Variants in FBXO36 observed in about 807,000 individuals in gnomAD.
FBXO36 encodes the protein F-box protein 36, also known as F-box only protein 36.
In FBXO36, 18 loss-of-function variants were observed where a neutral mutation model predicts 17.0. That is an observed-to-expected ratio of 1.06 (90% CI 0.73 to 1.57). The LOEUF is 1.57. FBXO36 is among the 40% of genes most tolerant of loss of function. The pLI, the probability that FBXO36 is intolerant of heterozygous loss-of-function variation, is 0.00. For synonymous variants in FBXO36, 83 were observed against 85.3 expected (o/e 0.97, Z 0.15); for missense variants, 229 against 221.9 (o/e 1.03, Z -0.20).
At chr2:229,972,333 T>C (rs1263788144) in intron 1 of FBXO36, among the ~76,000 whole-genome samples, 1 of 152,072 alleles carries the variant, frequency 6.6e-6, no homozygotes, top group African/African-American at 2.4e-5. Context: ...TACTAGTAAT[T>C]AGGAAAATCA....
At chr2:229,952,576 C>G (rs2077062766) in intron 1 of FBXO36, among the ~76,000 whole-genome samples, 1 of 152,172 alleles carries the variant, frequency 6.6e-6, no homozygotes, top group African/African-American at 2.4e-5. Flanking sequence ...CCCGACCTTT[C>G]TCACAGGGCC....
intron 1 of FBXO36, among the ~76,000 whole-genome samples, chr2:229,956,798 GA>G (rs1031217738): frequency 6.6e-6 from 1 of 152,166 alleles, no homozygotes; most frequent in African/African-American, 2.4e-5. Context: ...AAAGGTCAAA[GA>G]GACTAGTTCT....
rs2077311544 is a variant in FBXO36, at chr2:229,993,918, G to A, written c.206-2833G>A. Among the ~76,000 whole-genome samples, 3 of 151,850 alleles carry A rather than the reference G, an allele frequency of 2.0e-5. 1 individual carries two copies. The highest frequency in any genetic ancestry group is 3.9e-4 in the East Asian group (2 of 5,184). ...CTACAGGCGCCCACCACCACGCCCG[G>A]CTAATTTTTTTTTTTTCTTTTTGTT... is the stretch of plus-strand genomic sequence containing the variant. On this transcript the variant is annotated intron_variant, in intron 2 of 3. Coordinates refer to ENST00000283946, the MANE Select transcript of FBXO36 (RefSeq NM_174899.5).
chr2:230,000,407 T>G (rs1404614526), intron 3 of FBXO36, among the ~76,000 whole-genome samples: 2 of 151,164 alleles, frequency 1.3e-5, no homozygotes, highest in African/African-American at 2.4e-5. Flanking sequence ...TATTCATACT[T>G]TAAATGAAAA....
At chr2:229,996,694 T>A in intron 2 of FBXO36, 57 bp from the exon 3 acceptor site, 1 of 1,513,308 alleles carries the variant, frequency 6.6e-7, no homozygotes. Context: ...CACTGATTGT[T>A]ATTATAATTT....
chr2:229,977,930 G>A (rs926994356), intron 2 of FBXO36, among the ~76,000 whole-genome samples: 2 of 151,874 alleles, frequency 1.3e-5, no homozygotes, highest in Non-Finnish European at 2.9e-5. Flanking sequence ...GACTTTCTTC[G>A]ACTAAACTCT....
At chr2:229,980,648 A>T (rs1364980175) in intron 2 of FBXO36, among the ~76,000 whole-genome samples, 1 of 151,712 alleles carries the variant, frequency 6.6e-6, no homozygotes, top group South Asian at 2.1e-4. Context: ...GGGGGAGGGG[A>T]TTCACTTCAG....
At chr2:230,009,893 C>G (rs2077406375) in intron 3 of FBXO36, among the ~76,000 whole-genome samples, 1 of 152,064 alleles carries the variant, frequency 6.6e-6, no homozygotes, top group Admixed American at 6.6e-5. Context: ...TTGCAGTGAG[C>G]CGAGATCGCA....
rs528776993 is a variant in FBXO36, at chr2:229,954,608, C to T, written c.97-21633C>T. Among the ~76,000 whole-genome samples the T allele has an allele frequency of 2.3e-5, 3 of 131,842 alleles. No homozygotes were observed. The South Asian group carries it at 7.9e-4, about 35-fold the overall frequency. The allele number at this position is 131,842 out of a possible 152,430, so 86.5% of individuals were successfully genotyped here. On this transcript the variant is annotated intron_variant, in intron 1 of 3. Coordinates refer to ENST00000283946, the MANE Select transcript of FBXO36 (RefSeq NM_174899.5). ...TGTCACCCAGGCTGGAGTGCAGTGG[C>T]GCGATCTCAGCTCACTGCAAGCTCC...
intron 1 of FBXO36, among the ~76,000 whole-genome samples, chr2:229,939,610 CAAAA>C (rs1360445023): frequency 6.6e-6 from 1 of 151,624 alleles, no homozygotes; most frequent in Non-Finnish European, 1.5e-5. Flanking sequence ...GATTCTGCCT[CAAAA>C]AAAGAGAGAG....
intron 1 of FBXO36, among the ~76,000 whole-genome samples, chr2:229,950,425 C>A (rs1396518728): frequency 1.3e-5 from 2 of 151,778 alleles, no homozygotes; most frequent in Non-Finnish European, 2.9e-5. Flanking sequence ...GACTCCATCT[C>A]AAAAATAAAT....
chr2:229,975,960 G>A (rs903171041), intron 1 of FBXO36, among the ~76,000 whole-genome samples: 1 of 151,516 alleles, frequency 6.6e-6, no homozygotes, highest in East Asian at 1.9e-4. Flanking sequence ...CACCCACCTC[G>A]GCCTCCCAAA....
intron 1 of FBXO36, among the ~76,000 whole-genome samples, chr2:229,953,901 C>A (rs2077070373): frequency 6.6e-6 from 1 of 152,040 alleles, no homozygotes; most frequent in Non-Finnish European, 1.5e-5. Flanking sequence ...AGAGTCCATT[C>A]TGTTGCTTAG....
At chr2:229,927,751 G>GAA (rs796788553) in intron 1 of FBXO36, among the ~76,000 whole-genome samples, 3 of 115,440 alleles carry the variant, frequency 2.6e-5, no homozygotes, top group Non-Finnish European at 3.7e-5. Flanking sequence ...AGTGTCATTT[G>GAA]AAAAAAAAAA....
chr2:229,998,928 G>A lies in FBXO36; in HGVS notation c.378+2005G>A, dbSNP rs542768842. ...CGCCATTCTCCTGCCTCAGCCTCCC[G>A]AGTAGCTGGGACTACAGGTGCCCGC... On this transcript the variant is annotated intron_variant, in intron 3 of 3. Coordinates refer to ENST00000283946, the MANE Select transcript of FBXO36 (RefSeq NM_174899.5). Among the ~76,000 whole-genome samples, 8 of 148,022 alleles carry A rather than the reference G, an allele frequency of 5.4e-5. No individual in the cohort carries two copies. The South Asian group carries it at 8.5e-4, about 16-fold the overall frequency.
At chr2:230,007,632 C>T (rs1442166339) in intron 3 of FBXO36, among the ~76,000 whole-genome samples, 2 of 151,862 alleles carry the variant, frequency 1.3e-5, no homozygotes, top group South Asian at 4.2e-4. Flanking sequence ...TACAGAGTCT[C>T]GCTCTGTTGC....
intron 2 of FBXO36, among the ~76,000 whole-genome samples, chr2:229,983,597 C>T (rs1287511359): frequency 6.6e-6 from 1 of 152,178 alleles, no homozygotes; most frequent in East Asian, 1.9e-4. Context: ...ATGAGCCACT[C>T]AGCCTGGCCC....
At chr2:229,973,235 T>C (rs1293967081) in intron 1 of FBXO36, 2 of 152,010 alleles carry the variant, frequency 1.3e-5, no homozygotes, top group African/African-American at 2.4e-5. Flanking sequence ...TTTTTCCCTG[T>C]CCTCACCAAT....
At chr2:229,983,262 C>G (rs1348166879) in intron 2 of FBXO36, among the ~76,000 whole-genome samples, 1 of 152,002 alleles carries the variant, frequency 6.6e-6, no homozygotes, top group Non-Finnish European at 1.5e-5. Context: ...GTAATCCAAG[C>G]TACTCGGGAG....
Sources: gnomAD v4.1 joint callset for allele counts (sites outside exome capture counted in the v4.1 genomes callset) on GRCh38, gnomAD v4.1.1 for gene constraint, MANE v1.5 for transcripts, NCBI Gene and HGNC (gene_info 2026-07-23, HGNC 2026-07-21) for gene names.